ALDH18A1: variants seen among roughly 807,000 people sequenced by gnomAD.
ALDH18A1 encodes delta-1-pyrroline-5-carboxylate synthase.
In ALDH18A1, 44 loss-of-function variants were observed where a neutral mutation model predicts 88.8. The ratio of observed to expected loss-of-function variants is 0.50; its 90% CI spans 0.39 to 0.64. ALDH18A1 has a LOEUF of 0.64. Ranked by LOEUF, ALDH18A1 falls within the 30% of genes least tolerant of loss-of-function variation. The pLI is 0.00. For synonymous variants in ALDH18A1, 331 were observed against 372.1 expected (o/e 0.89, Z 1.27); for missense variants, 782 against 1,009.5 (o/e 0.77, Z 3.05).
In ALDH18A1 at chr10:95,637,217, C is replaced by G. The variant is rs2097882400; in HGVS notation, c.454-20G>C. 6.2e-7 allele frequency: 1 copy of G among 1,614,168 alleles called. No individual in the cohort carries two copies. Among genetic ancestry groups the G allele is most frequent in the South Asian group, 1.1e-5 (1 of 91,088 alleles). On this transcript the variant is annotated intron_variant, in intron 4 of 17. Transcript: ENST00000371224. ...AATTGCCTGTAATATACCAATGAGA[C>G]AAGGTGTGGTAGGGAATGAGGGAAG...
intron 6 of ALDH18A1, 23 bp from the exon 7 acceptor site, chr10:95,633,072 A>T: frequency 1.3e-6 from 2 of 1,589,822 alleles, no homozygotes; most frequent in East Asian, 4.5e-5. Flanking sequence ...TTAAAAAGTC[A>T]TAAGTGAGTG....
At chr10:95,630,489 G>T (rs1699125188) in intron 7 of ALDH18A1, among the ~76,000 whole-genome samples, 2 of 152,220 alleles carry the variant, frequency 1.3e-5, no homozygotes, top group Non-Finnish European at 2.9e-5. Flanking sequence ...AAGGCAGGAG[G>T]ATCACGAGGT....
intron 6 of ALDH18A1, 44 bp downstream of exon 6, chr10:95,633,447 T>G (rs767194409): frequency 3.1e-6 from 5 of 1,608,496 alleles, no homozygotes; most frequent in Admixed American, 1.7e-5. Context: ...TAGCATGGTG[T>G]TAGTGTCTCC....
intron 16 of ALDH18A1, among the ~76,000 whole-genome samples, chr10:95,610,997 C>T (rs1048996888): frequency 2.6e-5 from 4 of 152,182 alleles, no homozygotes; most frequent in Admixed American, 2.6e-4. Flanking sequence ...ATTTGCTGCA[C>T]GCATTAAATG....
In ALDH18A1 at chr10:95,632,955, G is replaced by T. The variant is rs757962440; in HGVS notation, c.808+4C>A. ...AGATAAAGGAAAAAAGCATTACTTT[G>T]TACCTTCTACATCTGAAAGAACAAT... On this transcript the variant is annotated splice_donor_region_variant and intron_variant, in intron 7 of 17. Transcript: ENST00000371224. The T allele has an allele frequency of 6.2e-7, 1 of 1,612,418 alleles. No individual in the cohort carries two copies. The highest frequency in any genetic ancestry group is 1.3e-5 in the African/African-American group (1 of 74,996).
chr10:95,625,435 A>T lies in ALDH18A1; in HGVS notation c.1173T>A (p.His391Gln). ...GCTGGTCCGTCAACAGATCAGCCAG[A>T]TGATGGATAATTTCTGCTCTCTAGA... Reference protein sequence around the residue: ...EPEQRAEIIHHLADLLTDQRD... With the variant: ...EPEQRAEIIHQLADLLTDQRD... Residue 391 changes from histidine to glutamine, a missense_variant, in exon 11 of 18, where the codon CAT becomes CAA. His to Gln is a conservative substitution (Grantham distance 24). This residue lies in a region of ALDH18A1 where 556 missense variants were observed against 654.5 expected (regional missense o/e 0.85). Coordinates refer to ENST00000371224, the MANE Select transcript of ALDH18A1 (RefSeq NM_002860.4). The T allele has an allele frequency of 6.2e-7, 1 of 1,613,982 alleles. No homozygotes were observed. Among genetic ancestry groups the T allele is most frequent in the Non-Finnish European group, 8.5e-7 (1 of 1,179,914 alleles).
At chr10:95,607,648 T>C (rs1171276545) in intron 17 of ALDH18A1, among the ~76,000 whole-genome samples, 4 of 152,178 alleles carry the variant, frequency 2.6e-5, no homozygotes, top group Non-Finnish European at 5.9e-5. Flanking sequence ...GCTGATATTA[T>C]AGCAGGCGAG....
intron 8 of ALDH18A1, 116 bp from the exon 9 acceptor site, chr10:95,627,702 G>C (rs902171742): frequency 1.6e-6 from 2 of 1,276,786 alleles, no homozygotes; most frequent in African/African-American, 3.0e-5. Context: ...GTATATGAGA[G>C]AATGTTTTTA....
rs760203992 is a variant in ALDH18A1, at chr10:95,610,209, G to A, written c.2194C>T (p.Arg732Cys). The A allele has an allele frequency of 7.4e-6, 12 of 1,613,872 alleles. No homozygotes were observed. The highest frequency in any genetic ancestry group is 2.2e-5 in the East Asian group (1 of 44,882). Reference sequence around the variant, plus strand: ...GAGTCTTTCTTACCCAGTCCAAAGCGGTAACCATCAGAAAAGCGAGTGCTG... The same window carrying A: ...GAGTCTTTCTTACCCAGTCCAAAGCAGTAACCATCAGAAAAGCGAGTGCTG... Reference protein sequence around the residue: ...NASTRFSDGYRFGLGAEVGIS... With the variant: ...NASTRFSDGYCFGLGAEVGIS... Residue 732 changes from arginine to cysteine, a missense_variant, in exon 17 of 18, where the codon CGC becomes TGC. Physicochemically the swap from Arg to Cys is radical, Grantham distance 180 (BLOSUM62 -3). Coordinates refer to ENST00000371224, the MANE Select transcript of ALDH18A1 (RefSeq NM_002860.4).
chr10:95,647,900 G>A (rs775835863), intron 2 of ALDH18A1, among the ~76,000 whole-genome samples: 19 of 152,360 alleles, frequency 1.2e-4, no homozygotes, highest in Admixed American at 3.3e-4. Context: ...GGAGGGTGGC[G>A]TGCCCCGGAA....
chr10:95,637,378 G>C lies in ALDH18A1; in HGVS notation c.362C>G (p.Ala121Gly), dbSNP rs1255536221. The change falls in exon 4 of 18, where the codon GCC becomes GGC. Residue 121 changes from alanine to glycine, a missense_variant. By Grantham distance (60) the Ala-to-Gly change is moderately conservative. Transcript: ENST00000371224. ...ATGGCGCAAGCGTTGTTTGCCAAAG[G>C]CTACGGCTCCACTGGTCACCAGCAT... ...EMMLVTSGAV[A>G]FGKQRLRHEI... The C allele has an allele frequency of 6.2e-7, 1 of 1,614,224 alleles. No individual in the cohort carries two copies. Among genetic ancestry groups the C allele is most frequent in the African/African-American group, 1.3e-5 (1 of 75,052 alleles).
At chr10:95,610,123 C>T in intron 17 of ALDH18A1, 74 bp downstream of exon 17, 1 of 1,409,730 alleles carries the variant, frequency 7.1e-7, no homozygotes, top group South Asian at 1.2e-5. Context: ...GGTGTCTTTC[C>T]CACCTCAACA....
Position 95,620,989 on chromosome 10 carries a change from C to T in ALDH18A1, c.1467+42G>A, listed in dbSNP as rs777749881. 17 of 1,582,506 alleles carry T rather than the reference C, an allele frequency of 1.1e-5. No homozygotes were observed. In the African/African-American group the frequency reaches 2.0e-4, roughly 19 times the overall value. On this transcript the variant is annotated intron_variant, in intron 12 of 17. Transcript: ENST00000371224. ...TTCTTCCTCCAATATCCACACCAGC[C>T]CCCAATGGCAGGGTATTTATTCTCC...
Position 95,606,651 on chromosome 10 carries a change from C to T in ALDH18A1, c.*111G>A. The T allele has an allele frequency of 6.2e-7, 1 of 1,608,360 alleles. No homozygotes were observed. The highest frequency in any genetic ancestry group is 8.5e-7 in the Non-Finnish European group (1 of 1,179,138). ...CCCAGAAGCATCCAGGTACACTTTC[C>T]AACAGGCAGACCCTACCAGGAACTG... On this transcript the variant is annotated 3_prime_UTR_variant, in exon 18 of 18. Transcript: ENST00000371224.
At chr10:95,629,224 G>A (rs1187188991) in intron 7 of ALDH18A1, among the ~76,000 whole-genome samples, 6 of 152,170 alleles carry the variant, frequency 3.9e-5, no homozygotes, top group Admixed American at 6.5e-5. Context: ...GGTAAGAAAG[G>A]GCTGAGAAAC....
chr10:95,651,404 T>C lies in ALDH18A1; in HGVS notation c.88+1886A>G, dbSNP rs569353621. 3.3e-4 allele frequency among the ~76,000 whole-genome samples: 50 copies of C among 151,178 alleles called. 1 individual carries two copies. The South Asian group carries it at 0.01, about 31-fold the overall frequency. ...GGTACTGTCACTCTGCAAAGACAGT[T>C]TGACAGTTTCTTATAAAACTGTGTT... On this transcript the variant is annotated intron_variant, in intron 2 of 17. Coordinates refer to ENST00000371224, the MANE Select transcript of ALDH18A1 (RefSeq NM_002860.4).
intron 7 of ALDH18A1, among the ~76,000 whole-genome samples, 192 bp downstream of exon 7, chr10:95,632,767 C>G (rs537248491): frequency 2.0e-5 from 3 of 152,268 alleles, no homozygotes; most frequent in African/African-American, 7.2e-5. Context: ...AGTAACATTT[C>G]AGGATTCAAA....
chr10:95,610,627 TG>T (rs1425452076), intron 16 of ALDH18A1, among the ~76,000 whole-genome samples: 2 of 152,168 alleles, frequency 1.3e-5, no homozygotes, highest in Non-Finnish European at 2.9e-5. Context: ...CTTCTGCAGG[TG>T]TACAAAACTC....
intron 15 of ALDH18A1, among the ~76,000 whole-genome samples, chr10:95,612,343 G>A (rs1044104968): frequency 2.0e-5 from 3 of 152,232 alleles, no homozygotes; most frequent in Non-Finnish European, 2.9e-5. Flanking sequence ...AGGATTCTGA[G>A]GCTGGTCACC....
Sources: allele counts gnomAD v4.1 joint callset (sites outside exome capture counted in the v4.1 genomes callset), GRCh38; gene constraint gnomAD v4.1.1; regional missense constraint gnomAD v4.1.1; transcripts MANE v1.5; gene names NCBI Gene and HGNC (gene_info 2026-07-23, HGNC 2026-07-21).